The following DLGAP2 variants were observed in gnomAD, a reference collection of about 807,000 sequenced individuals.
DLGAP2 encodes disks large-associated protein 2.
A neutral mutation model predicts 100.3 loss-of-function variants in DLGAP2; 26 were observed. That is an observed-to-expected ratio of 0.26 (90% CI 0.19 to 0.36). DLGAP2 has a LOEUF of 0.36. Ranked by LOEUF, DLGAP2 falls within the 10% of genes least tolerant of loss-of-function variation. The pLI is 1.00. For missense variants in DLGAP2, 1,858 were observed against 1,453.2 expected (o/e 1.28, Z -4.53); for synonymous variants, 886 against 630.1 (o/e 1.41, Z -6.08).
At chr8:906,999 T>C (rs997916863) in intron 1 of DLGAP2, among the ~76,000 whole-genome samples, 4 of 152,120 alleles carry the variant, frequency 2.6e-5, no homozygotes, top group African/African-American at 9.7e-5. Flanking sequence ...TTATTCCAGA[T>C]CATCTCTTGT....
At chr8:1,649,193 T>C (rs1218398491) in intron 8 of DLGAP2, among the ~76,000 whole-genome samples, 1 of 152,240 alleles carries the variant, frequency 6.6e-6, no homozygotes, top group Admixed American at 6.5e-5. Context: ...AAAAATATTT[T>C]TAAACTGAAG....
At chr8:1,498,229 C>T (rs1300184303) in intron 3 of DLGAP2, among the ~76,000 whole-genome samples, 2 of 152,144 alleles carry the variant, frequency 1.3e-5, no homozygotes, top group African/African-American at 4.8e-5. Context: ...CAGAGGAAGC[C>T]TCCAGGCAGC....
At chr8:1,100,322 A>G (rs532885164) in intron 2 of DLGAP2, among the ~76,000 whole-genome samples, 2 of 152,192 alleles carry the variant, frequency 1.3e-5, no homozygotes, top group East Asian at 3.9e-4. Context: ...ACCTTTGTCC[A>G]GCATGTCCAC....
intron 2 of DLGAP2, among the ~76,000 whole-genome samples, chr8:1,043,070 G>T (rs930768608): frequency 6.7e-6 from 1 of 148,600 alleles, no homozygotes; most frequent in Non-Finnish European, 1.5e-5. Flanking sequence ...GTGGATGTGG[G>T]TGGTGGATGT....
chr8:1,442,234 C>T (rs1797854958), intron 3 of DLGAP2, among the ~76,000 whole-genome samples: 1 of 104,260 alleles, frequency 9.6e-6, no homozygotes, highest in African/African-American at 2.9e-5. Flanking sequence ...GAGACGGACC[C>T]AGGCATAGAC....
At chr8:1,635,295 C>T (rs938827798) in intron 8 of DLGAP2, among the ~76,000 whole-genome samples, 1 of 152,134 alleles carries the variant, frequency 6.6e-6, no homozygotes, top group Non-Finnish European at 1.5e-5. Context: ...TGGAGGAAAA[C>T]TATCAACATG....
chr8:1,210,896 A>C (rs774722058), intron 2 of DLGAP2, among the ~76,000 whole-genome samples: 1 of 152,114 alleles, frequency 6.6e-6, no homozygotes, highest in South Asian at 2.1e-4. Flanking sequence ...CTGGGCAGCA[A>C]TGTCCCTCCC....
intron 1 of DLGAP2, among the ~76,000 whole-genome samples, chr8:855,346 C>T (rs567792928): frequency 3.9e-5 from 6 of 152,224 alleles, no homozygotes; most frequent in Admixed American, 6.5e-5. Context: ...CGGTCAGGAG[C>T]GTTCTCTGTG....
chr8:770,079 A>G (rs1477698117), intron 1 of DLGAP2, among the ~76,000 whole-genome samples: 1 of 152,216 alleles, frequency 6.6e-6, no homozygotes, highest in African/African-American at 2.4e-5. Context: ...CCATACCTTC[A>G]AGACATTTTC....
chr8:1,188,078 T>G (rs1797551382), intron 2 of DLGAP2, among the ~76,000 whole-genome samples: 1 of 135,542 alleles, frequency 7.4e-6, no homozygotes, highest in African/African-American at 3.1e-5. Context: ...TCCGTGACGT[T>G]TGCCTCATGG....
intron 1 of DLGAP2, among the ~76,000 whole-genome samples, chr8:859,023 A>G: frequency 6.6e-6 from 1 of 152,308 alleles, no homozygotes; most frequent in Non-Finnish European, 1.5e-5. Context: ...GTAAGCCTAT[A>G]AAAAATAGTA....
rs1318649167 is a variant in DLGAP2 at position 1,173,701 on chromosome 8, C to G, written c.74-85150C>G. On this transcript the variant is annotated intron_variant, in intron 2 of 14. Coordinates refer to ENST00000637795, the MANE Select transcript of DLGAP2 (RefSeq NM_001346810.2). ...CTCTGAGCCAGGTGCAGGATATAAT[C>G]TCCTGGTGCGCCATTTTTTAAGCCC... Among the ~76,000 whole-genome samples the G allele has an allele frequency of 3.3e-5, 5 of 152,320 alleles. No homozygotes were observed. In the South Asian group the frequency reaches 6.2e-4, roughly 19 times the overall value.
rs1355734179 is a variant in DLGAP2, at chr8:1,537,094, G to A, written c.173-11532G>A. Among the ~76,000 whole-genome samples, 5 of 151,830 alleles carry A rather than the reference G, an allele frequency of 3.3e-5. No individual in the cohort carries two copies. In the East Asian group the frequency reaches 7.7e-4, roughly 23 times the overall value. On this transcript the variant is annotated intron_variant, in intron 4 of 14. Coordinates refer to ENST00000637795, the MANE Select transcript of DLGAP2 (RefSeq NM_001346810.2). ...TGGTATGTGGTATGTGGTATGTGGT[G>A]TGTGGTGTGTGGTGTGTGGTATGTG...
At chr8:1,688,512 C>T (rs1175282749) in intron 12 of DLGAP2, 1 of 152,104 alleles carries the variant, frequency 6.6e-6, no homozygotes, top group African/African-American at 2.4e-5. Context: ...GACAGTGGCC[C>T]TGGGTCTACA....
chr8:1,304,815 T>C lies in DLGAP2; in HGVS notation c.106+45932T>C, dbSNP rs538630138. On this transcript the variant is annotated intron_variant, in intron 3 of 14. Coordinates refer to ENST00000637795, the MANE Select transcript of DLGAP2 (RefSeq NM_001346810.2). ...CCATATTTTGTGGATCATCATCAAT[T>C]ATAATAAATGCTAAACACCCTTCAA... is the stretch of plus-strand genomic sequence containing the variant. Among the ~76,000 whole-genome samples the C allele has an allele frequency of 5.9e-5, 9 of 152,288 alleles. No individual in the cohort carries two copies. In the South Asian group the frequency reaches 1.9e-3, roughly 32 times the overall value.
intron 3 of DLGAP2, among the ~76,000 whole-genome samples, chr8:1,442,521 G>T (rs1410601902): frequency 1.4e-5 from 2 of 147,062 alleles, no homozygotes; most frequent in African/African-American, 2.5e-5. Context: ...GACCCGCCAG[G>T]CTGCTGTGGG....
At chr8:1,576,255 A>C (rs1393075257) in intron 6 of DLGAP2, among the ~76,000 whole-genome samples, 8 of 152,216 alleles carry the variant, frequency 5.3e-5, no homozygotes, top group Non-Finnish European at 5.9e-5. Flanking sequence ...TGTTGGCTGC[A>C]TAAATGTCTT....
intron 3 of DLGAP2, among the ~76,000 whole-genome samples, chr8:1,332,215 G>A (rs1312836435): frequency 6.6e-6 from 1 of 152,108 alleles, no homozygotes; most frequent in Non-Finnish European, 1.5e-5. Context: ...TGCTTGTGAT[G>A]GTTTGTGTGA....
rs368539182 is a variant in DLGAP2 at position 799,898 on chromosome 8, C to T, written c.18+62073C>T. 8.9e-4 allele frequency among the ~76,000 whole-genome samples: 135 copies of T among 152,316 alleles called. 2 individuals are homozygous for T. In the South Asian group the frequency reaches 0.028, roughly 31 times the overall value. ...AGGTGAGAGCCACAGCTCCCGGCCC[C>T]TCACTTTGAATTATTAAAAGGGCTT... On this transcript the variant is annotated intron_variant, in intron 1 of 14. Coordinates refer to ENST00000637795, the MANE Select transcript of DLGAP2 (RefSeq NM_001346810.2).
Sources: allele counts gnomAD v4.1 joint callset (sites outside exome capture counted in the v4.1 genomes callset), GRCh38; gene constraint gnomAD v4.1.1; transcripts MANE v1.5; gene names NCBI Gene and HGNC (gene_info 2026-07-23, HGNC 2026-07-21).